The following CREB5 variants were observed in gnomAD, a reference collection of about 807,000 sequenced individuals.
The protein encoded by CREB5 is cyclic AMP-responsive element-binding protein 5.
A neutral mutation model predicts 57.1 loss-of-function variants in CREB5; 19 were observed. The ratio of observed to expected loss-of-function variants is 0.33; its 90% CI spans 0.23 to 0.49. The LOEUF (loss-of-function observed/expected upper bound fraction) is 0.49, where lower values mean the gene tolerates loss of function less well. Ranked by LOEUF, CREB5 falls within the 20% of genes least tolerant of loss-of-function variation. The pLI is 0.99. For missense variants in CREB5, 579 were observed against 671.6 expected, an observed-to-expected ratio of 0.86 and a Z score of 1.52; for synonymous variants, 238 against 238.3, an observed-to-expected ratio of 1.00 and a Z score of 0.01.
At chr7:28,572,044 G>A (rs1352968157) in intron 5 of CREB5, among the ~76,000 whole-genome samples, 1 of 152,144 alleles carries the variant, frequency 6.6e-6, no homozygotes, top group African/African-American at 2.4e-5. Context: ...TTGTTTTTCG[G>A]TGTTATAAGA....
In CREB5 at chr7:28,507,712, C is replaced by T; in HGVS notation, c.266C>T (p.Ala89Val). The T allele has an allele frequency of 3.1e-6, 5 of 1,608,554 alleles. No individual in the cohort carries two copies. The highest frequency in any genetic ancestry group is 4.3e-6 in the Non-Finnish European group (5 of 1,175,486). The change falls in exon 4 of 11, where the codon GCT (alanine) becomes GTT (valine). Residue 89 changes from alanine (A) to valine (V), a missense_variant. This residue lies in a region of CREB5 where 459 missense variants were observed against 515.7 expected (regional missense o/e 0.89). Coordinates refer to ENST00000357727, the MANE Select transcript of CREB5 (RefSeq NM_182898.4). ...TCCCTGGAGCACGAGTTCAGGAAGG[C>T]TCAGGAAGAGGAGAGCAGCAAGCGG... ...DCSLEHEFRK[A>V]QEEESSKRNI...
chr7:28,372,184 T>C (rs1562679702), intron 1 of CREB5, among the ~76,000 whole-genome samples: 1 of 152,184 alleles, frequency 6.6e-6, no homozygotes. Flanking sequence ...GATTGATTGA[T>C]GATTTAAAGA....
chr7:28,600,937 A>G (rs2128669947), intron 5 of CREB5, among the ~76,000 whole-genome samples: 1 of 152,294 alleles, frequency 6.6e-6, no homozygotes, highest in Middle Eastern at 3.4e-3. Flanking sequence ...CTGCCCCCCT[A>G]AGATTTTCGT....
chr7:28,356,530 A>G (rs1486233642), intron 1 of CREB5, among the ~76,000 whole-genome samples: 1 of 152,210 alleles, frequency 6.6e-6, no homozygotes, highest in Non-Finnish European at 1.5e-5. Flanking sequence ...AGACCGATCA[A>G]TAGGCTTTTG....
chr7:28,387,444 T>C (rs900436460), intron 1 of CREB5, among the ~76,000 whole-genome samples: 1 of 152,184 alleles, frequency 6.6e-6, no homozygotes, highest in Non-Finnish European at 1.5e-5. Context: ...TTCTTGTAAA[T>C]TTGTCTAAGT....
At chr7:28,354,337 G>T (rs1263985476) in intron 1 of CREB5, among the ~76,000 whole-genome samples, 4 of 152,106 alleles carry the variant, frequency 2.6e-5, no homozygotes, top group Non-Finnish European at 5.9e-5. Flanking sequence ...GCGCAGCCAG[G>T]ATATAAAACA....
intron 5 of CREB5, among the ~76,000 whole-genome samples, chr7:28,592,173 A>G (rs1362568995): frequency 1.3e-5 from 2 of 152,208 alleles, no homozygotes; most frequent in African/African-American, 2.4e-5. Context: ...AGAGAGCTAC[A>G]TTTGGTGGGC....
intron 1 of CREB5, among the ~76,000 whole-genome samples, chr7:28,367,688 A>G (rs563501319): frequency 6.6e-6 from 1 of 152,248 alleles, no homozygotes; most frequent in South Asian, 2.1e-4. Flanking sequence ...CATGCCTGTA[A>G]TCCCAGCTAC....
chr7:28,782,912 G>A (rs1807073527), intron 7 of CREB5, among the ~76,000 whole-genome samples: 1 of 152,136 alleles, frequency 6.6e-6, no homozygotes. Context: ...CCATTTATCT[G>A]TGCATCTGAC....
At chr7:28,353,685 T>C (rs2127990944) in intron 1 of CREB5, among the ~76,000 whole-genome samples, 1 of 151,686 alleles carries the variant, frequency 6.6e-6, no homozygotes, top group East Asian at 2.0e-4. Context: ...CTACTAAAAA[T>C]ACAAAAAATT....
intron 5 of CREB5, among the ~76,000 whole-genome samples, chr7:28,673,981 T>C (rs1003616144): frequency 1.3e-5 from 2 of 152,088 alleles, no homozygotes; most frequent in Non-Finnish European, 2.9e-5. Context: ...CCAATTTATC[T>C]CTTGCATATG....
At chr7:28,570,261 T>C (rs1314472957) in intron 4 of CREB5, 104 bp from the exon 5 acceptor site, 10 of 1,240,538 alleles carry the variant, frequency 8.1e-6, no homozygotes, top group Non-Finnish European at 1.1e-5. Context: ...TAACTCTCTA[T>C]GTAGTTGACA....
At chr7:28,502,053 T>C (rs1306652918) in intron 3 of CREB5, among the ~76,000 whole-genome samples, 1 of 152,168 alleles carries the variant, frequency 6.6e-6, no homozygotes, top group Non-Finnish European at 1.5e-5. Flanking sequence ...AAGCATTCCA[T>C]GTCTGTTGCT....
intron 1 of CREB5, among the ~76,000 whole-genome samples, chr7:28,429,527 A>G (rs958538109): frequency 1.3e-5 from 2 of 152,186 alleles, no homozygotes; most frequent in Non-Finnish European, 2.9e-5. Context: ...AAGAGGAAGC[A>G]TCCTTACTGT....
At chr7:28,539,945 T>C (rs1460491411) in intron 4 of CREB5, among the ~76,000 whole-genome samples, 3 of 152,212 alleles carry the variant, frequency 2.0e-5, no homozygotes, top group Non-Finnish European at 4.4e-5. Flanking sequence ...TTCTCATTCA[T>C]TGGGCATAAA....
intron 5 of CREB5, among the ~76,000 whole-genome samples, chr7:28,586,086 C>A (rs886607218): frequency 1.3e-5 from 2 of 152,056 alleles, no homozygotes; most frequent in African/African-American, 4.8e-5. Flanking sequence ...CATCTTGATT[C>A]CCTTACTATT....
intron 1 of CREB5, among the ~76,000 whole-genome samples, chr7:28,457,680 A>G (rs1196150310): frequency 6.6e-6 from 1 of 152,172 alleles, no homozygotes; most frequent in African/African-American, 2.4e-5. Flanking sequence ...AGACAGAGAA[A>G]CAAAGAGACC....
At chr7:28,709,874 C>T (rs748927193) in intron 5 of CREB5, among the ~76,000 whole-genome samples, 6 of 152,128 alleles carry the variant, frequency 3.9e-5, no homozygotes, top group Admixed American at 6.5e-5. Context: ...TAAGTCCGTG[C>T]GAAGCAGAAA....
At chr7:28,737,096 T>A (rs919991965) in intron 7 of CREB5, among the ~76,000 whole-genome samples, 4 of 152,128 alleles carry the variant, frequency 2.6e-5, no homozygotes, top group Non-Finnish European at 5.9e-5. Context: ...TGGGGGTTAT[T>A]TTTTAATATT....
Sources: allele counts gnomAD v4.1 joint callset (sites outside exome capture counted in the v4.1 genomes callset), GRCh38; gene constraint gnomAD v4.1.1; regional missense constraint gnomAD v4.1.1; transcripts MANE v1.5; gene names NCBI Gene and HGNC (gene_info 2026-07-23, HGNC 2026-07-21).